The following USP36 variants were observed in gnomAD, a reference collection of about 807,000 sequenced individuals.
USP36 encodes the protein ubiquitin carboxyl-terminal hydrolase 36.
A neutral mutation model predicts 111.5 loss-of-function variants in USP36; 59 were observed. The observed-to-expected ratio is 0.53, with a 90% CI of 0.43 to 0.66. The LOEUF (loss-of-function observed/expected upper bound fraction) is 0.66, where lower values mean the gene tolerates loss of function less well. Among genes scored for constraint, USP36 ranks in the 30% least tolerant of loss-of-function variants. The pLI, the probability that USP36 is intolerant of heterozygous loss-of-function variation, is 0.00. For missense variants in USP36, 1,488 were observed against 1,468.0 expected (o/e 1.01, Z -0.22); for synonymous variants, 628 against 581.0 (o/e 1.08, Z -1.16).
intron 17 of USP36, among the ~76,000 whole-genome samples, chr17:78,800,145 A>C (rs1035113564): frequency 2.6e-5 from 4 of 151,588 alleles, no homozygotes; most frequent in Admixed American, 2.0e-4. Flanking sequence ...AAAAAAAAAA[A>C]AACCCTCCAA....
intron 15 of USP36, among the ~76,000 whole-genome samples, chr17:78,804,452 T>A (rs1005935727): frequency 1.7e-5 from 2 of 118,390 alleles, no homozygotes; most frequent in African/African-American, 6.7e-5. Flanking sequence ...AAAGCAAGAC[T>A]CCGTCTCAAA....
chr17:78,794,546 C>A (rs143152002), downstream of USP36, among the ~76,000 whole-genome samples: 1 of 152,192 alleles, frequency 6.6e-6, no homozygotes, highest in Admixed American at 6.5e-5. Context: ...TGGGACTCTG[C>A]CCGCCGCCTG....
In USP36 at chr17:78,821,370, C is replaced by T. The variant is rs1471193891; in HGVS notation, c.758-309G>A. On this transcript the variant is annotated intron_variant, in intron 7 of 20. Coordinates refer to ENST00000449938, the MANE Select transcript of USP36 (RefSeq NM_001385174.1). Reference sequence around the variant, plus strand: ...GCTGCCTCCTCCCTGCACGCGTGCACGGCACTTCCTAATGAGAATATATAT... The same window carrying T: ...GCTGCCTCCTCCCTGCACGCGTGCATGGCACTTCCTAATGAGAATATATAT... 8 of 194,248 alleles carry T rather than the reference C, an allele frequency of 4.1e-5. No individual in the cohort carries two copies. The East Asian group carries it at 9.8e-4, about 24-fold the overall frequency. 12.0% of individuals were successfully genotyped at this position (194,248 alleles called of 1,614,324 possible).
chr17:78,812,743 T>C (rs2094096238), intron 13 of USP36, 117 bp downstream of exon 13: 7 of 706,608 alleles, frequency 9.9e-6, no homozygotes, highest in Admixed American at 2.9e-5. Flanking sequence ...TAACATCAAC[T>C]AGAATAGTGC....
rs764353668 is a variant in USP36, at chr17:78,827,368, G to GC, written c.587-22_587-21insG. ...GATCTCTAAAAGAGGAAGAAACAGG[G>GC]AGGGAAGAGCTCGTGTCTTCTCATC... On this transcript the variant is annotated intron_variant, in intron 5 of 20. Transcript: ENST00000449938. The GC allele has an allele frequency of 2.5e-6, 4 of 1,598,010 alleles. No individual in the cohort carries two copies. In the South Asian group the frequency reaches 4.5e-5, roughly 18 times the overall value.
chr17:78,818,376 A>C, intron 10 of USP36, among the ~76,000 whole-genome samples: 1 of 152,184 alleles, frequency 6.6e-6, no homozygotes, highest in East Asian at 1.9e-4. Context: ...AAAAATGCAG[A>C]TTCCTGGGCC....
intron 10 of USP36, among the ~76,000 whole-genome samples, chr17:78,815,640 C>T (rs551155918): frequency 1.3e-5 from 2 of 152,310 alleles, no homozygotes; most frequent in Non-Finnish European, 2.9e-5. Context: ...GCAAGTAAGA[C>T]TTTTAATCAA....
Position 78,807,401 on chromosome 17 carries a change from C to T in USP36, c.1643G>A (p.Arg548Lys), listed in dbSNP as rs112790707. ...KPAPPQHFSP[R>K]TAQGLPGTSN... ...GGTCCCAGGCAGCCCCTGAGCAGTTCTGGGGGAAAAGTGCTGTGGAGGAGC... is the reference window on the plus strand; with the variant it reads ...GGTCCCAGGCAGCCCCTGAGCAGTTTTGGGGGAAAAGTGCTGTGGAGGAGC... The change falls in exon 14 of 21, where the codon AGA becomes AAA. Residue 548 changes from arginine (R) to lysine (K), a missense_variant. Transcript: ENST00000449938. 6.9e-5 allele frequency: 111 copies of T among 1,614,048 alleles called. No individual in the cohort carries two copies. Among genetic ancestry groups the T allele is most frequent in the Non-Finnish European group, 9.4e-5 (111 of 1,180,036 alleles).
intron 10 of USP36, among the ~76,000 whole-genome samples, chr17:78,815,519 T>A (rs1299366790): frequency 1.3e-5 from 2 of 152,014 alleles, no homozygotes; most frequent in African/African-American, 4.8e-5. Context: ...GGTCACTCAT[T>A]TTCTTTCCCT....
At chr17:78,802,703 C>T (rs994579601) in intron 16 of USP36, among the ~76,000 whole-genome samples, 168 bp from the exon 17 acceptor site, 7 of 152,322 alleles carry the variant, frequency 4.6e-5, no homozygotes, top group East Asian at 1.9e-4. Context: ...ACGCTCCACA[C>T]GCAGCCACGG....
Position 78,836,004 on chromosome 17 carries a change from T to C in USP36, c.253+107A>G, listed in dbSNP as rs2068629581. On this transcript the variant is annotated intron_variant, in intron 3 of 20. Coordinates refer to ENST00000449938, the MANE Select transcript of USP36 (RefSeq NM_001385174.1). ...GACCCCATGTAAAAATTCATAACTCTTTGACCACATTCTCTTGTTTTTCCT... is the reference window on the plus strand; with the variant it reads ...GACCCCATGTAAAAATTCATAACTCCTTGACCACATTCTCTTGTTTTTCCT... The C allele has an allele frequency of 2.0e-6, 3 of 1,494,870 alleles. No homozygotes were observed. In the African/African-American group the frequency reaches 4.2e-5, roughly 21 times the overall value. 92.6% of individuals were successfully genotyped at this position (1,494,870 alleles called of 1,614,324 possible). A position where few individuals can be genotyped will look rare whatever the true frequency, so the allele number is the denominator to read the frequency against.
Position 78,835,601 on chromosome 17 carries a change from T to C in USP36, c.254-100A>G. ...CCTGAAGCATACACTTAGCATGCAG[T>C]GACTCGGAACATGGCACCAGAGAAG... On this transcript the variant is annotated intron_variant, in intron 3 of 20. Transcript: ENST00000449938. 6.9e-6 allele frequency: 8 copies of C among 1,156,808 alleles called. No homozygotes were observed. The South Asian group carries it at 1.2e-4, about 17-fold the overall frequency. The allele number at this position is 1,156,808 out of a possible 1,614,324, so 71.7% of individuals were successfully genotyped here. A position where few individuals can be genotyped will look rare whatever the true frequency, so the allele number is the denominator to read the frequency against.
intron 13 of USP36, among the ~76,000 whole-genome samples, chr17:78,811,959 C>G (rs1019519324): frequency 2.0e-5 from 3 of 152,070 alleles, no homozygotes; most frequent in Non-Finnish European, 4.4e-5. Context: ...GAGGCCAAGA[C>G]AGGAGAATTG....
Position 78,796,725 on chromosome 17 carries a change from T to C in USP36, c.*1175A>G, listed in dbSNP as rs2144873878. Reference sequence around the variant, plus strand: ...TGCCTCTGGCCCAGCAGAGCCACACTGAAGGAGGTCTAAGTCCAACACCAC... The same window carrying C: ...TGCCTCTGGCCCAGCAGAGCCACACCGAAGGAGGTCTAAGTCCAACACCAC... On this transcript the variant is annotated 3_prime_UTR_variant, in exon 21 of 21. Transcript: ENST00000449938. 1 of 152,358 alleles carries C rather than the reference T, an allele frequency of 6.6e-6. No homozygotes were observed. The highest frequency in any genetic ancestry group is 1.5e-5 in the Non-Finnish European group (1 of 68,036). 9.4% of individuals were successfully genotyped at this position (152,358 alleles called of 1,614,324 possible). A position where few individuals can be genotyped will look rare whatever the true frequency, so the allele number is the denominator to read the frequency against.
chr17:78,814,556 T>C lies in USP36; in HGVS notation c.1024-4A>G. The stretch of plus-strand genomic sequence containing the variant: ...GGAATTCCGGATAGCCTACATCCTG[T>C]TTGAAAAATCAAGGAAAAGACAAAT... On this transcript the variant is annotated splice_region_variant and splice_polypyrimidine_tract_variant and intron_variant, in intron 10 of 20. Transcript: ENST00000449938. 6.2e-7 allele frequency: 1 copy of C among 1,607,794 alleles called. No individual in the cohort carries two copies. The highest frequency in any genetic ancestry group is 8.5e-7 in the Non-Finnish European group (1 of 1,177,406).
chr17:78,836,523 A>C (rs554243564), intron 2 of USP36, among the ~76,000 whole-genome samples, 151 bp from the exon 3 acceptor site: 1 of 152,232 alleles, frequency 6.6e-6, no homozygotes, highest in South Asian at 2.1e-4. Flanking sequence ...CACAAAGGAA[A>C]CAGGGAGACC....
intron 14 of USP36, 84 bp from the exon 15 acceptor site, chr17:78,806,370 T>C (rs2093901628): frequency 1.9e-6 from 3 of 1,561,772 alleles, no homozygotes; most frequent in Non-Finnish European, 2.6e-6. Flanking sequence ...TAACAAAAAA[T>C]GAAAATAAAA....
intron 11 of USP36, 71 bp from the exon 12 acceptor site, chr17:78,813,944 A>G (rs2145248830): frequency 1.5e-6 from 2 of 1,366,292 alleles, no homozygotes; most frequent in South Asian, 1.2e-5. Flanking sequence ...CTTTTTAAAA[A>G]GGGAATAAAA....
intron 13 of USP36, among the ~76,000 whole-genome samples, chr17:78,811,922 T>C (rs1433714358): frequency 6.6e-6 from 1 of 152,118 alleles, no homozygotes; most frequent in Admixed American, 6.6e-5. Flanking sequence ...AAGAGTTTGC[T>C]TGGTGCCTGT....
Sources: gnomAD v4.1 joint callset for allele counts (sites outside exome capture counted in the v4.1 genomes callset) on GRCh38, gnomAD v4.1.1 for gene constraint, MANE v1.5 for transcripts, NCBI Gene and HGNC (gene_info 2026-07-23, HGNC 2026-07-21) for gene names.